The following ESPNL variants were observed in gnomAD, a reference collection of about 807,000 sequenced individuals.
ESPNL encodes espin like, also known as espin-like protein.
ESPNL carries 49 observed loss-of-function variants against 46.8 expected under a neutral mutation model. The ratio of observed to expected loss-of-function variants is 1.05; its 90% CI spans 0.83 to 1.33. The LOEUF (loss-of-function observed/expected upper bound fraction) is 1.33. ESPNL is among the 40% of genes most tolerant of loss of function. The probability of loss-of-function intolerance (pLI) is 0.00; values close to 1 mark genes in which losing one functional copy is unlikely to be tolerated. For synonymous variants in ESPNL, 664 were observed against 662.1 expected (o/e 1.00, Z -0.04); for missense variants, 1,540 against 1,436.6 (o/e 1.07, Z -1.16).
Position 238,114,525 on chromosome 2 carries a change from C to G in ESPNL, c.856-2378C>G, listed in dbSNP as rs368360374. Among the ~76,000 whole-genome samples, 59 of 152,280 alleles carry G rather than the reference C, an allele frequency of 3.9e-4. No individual in the cohort carries two copies. Among genetic ancestry groups the G allele is most frequent in the African/African-American group, 1.3e-3 (56 of 41,562 alleles). The stretch of plus-strand genomic sequence containing the variant: ...CAGCGACTGGCTTCAGCGACCTGCC[C>G]CAGCCTCCCCAGCCCCGGTGTCCTT... On this transcript the variant is annotated intron_variant, in intron 4 of 8. Coordinates refer to ENST00000343063, the MANE Select transcript of ESPNL (RefSeq NM_194312.4). This position sits in a 1 kb window ranked among gnomAD's most constrained non-coding sequence, Gnocchi z 5.0.
chr2:238,127,479 T>C, intron 6 of ESPNL, 143 bp from the exon 7 acceptor site: 1 of 839,506 alleles, frequency 1.2e-6, no homozygotes, highest in South Asian at 2.0e-5. Flanking sequence ...CGAGGTGTTC[T>C]GGGGCAGGGT....
In ESPNL at chr2:238,100,415, A is replaced by G; in HGVS notation, c.-5A>G. The G allele has an allele frequency of 6.3e-7, 1 of 1,594,822 alleles. No homozygotes were observed. The highest frequency in any genetic ancestry group is 1.1e-5 in the South Asian group (1 of 88,106). On this transcript the variant is annotated 5_prime_UTR_variant, in exon 1 of 9. Coordinates refer to ENST00000343063, the MANE Select transcript of ESPNL (RefSeq NM_194312.4). ...TGAGTCGCCACTGAGAGCCCGGGCC[A>G]GAGGATGGAGAAGCAGCGGGCACTC...
intron 4 of ESPNL, among the ~76,000 whole-genome samples, chr2:238,111,216 C>T (rs1291423198): frequency 6.6e-6 from 1 of 152,188 alleles, no homozygotes; most frequent in Non-Finnish European, 1.5e-5. Flanking sequence ...CATGAGCTAC[C>T]GTGCCCGGCC....
chr2:238,126,765 T>C (rs1351874834), intron 6 of ESPNL, among the ~76,000 whole-genome samples: 1 of 151,992 alleles, frequency 6.6e-6, no homozygotes, highest in Non-Finnish European at 1.5e-5. Context: ...TGTGTCTGTG[T>C]ATCTGTGTGT....
chr2:238,112,623 ATTTAT>A (rs928045196), intron 4 of ESPNL, among the ~76,000 whole-genome samples: 1 of 152,146 alleles, frequency 6.6e-6, no homozygotes, highest in African/African-American at 2.4e-5. Flanking sequence ...TTTCTAATAT[ATTTAT>A]TGAAGGCTAT....
rs777722038 is a variant in ESPNL, at chr2:238,131,508, C to T, written c.2794C>T (p.Arg932Cys). ...AGCCCGCTTCTTTGGCTCCAGCCAG[C>T]GTCCCGCCTGGGATACGGAGCCTGG... ...IKARFFGSSQ[R>C]PAWDTEPGRK... The change falls in exon 9 of 9, where the codon CGT (arginine) becomes TGT (cysteine). Residue 932 changes from arginine (R) to cysteine (C), a missense_variant. Transcript: ENST00000343063. 23 of 1,611,608 alleles carry T rather than the reference C, an allele frequency of 1.4e-5. No homozygotes were observed. Among genetic ancestry groups the T allele is most frequent in the Non-Finnish European group, 1.7e-5 (20 of 1,179,406 alleles).
rs749122984 is a variant in ESPNL, at chr2:238,128,815, C to T, written c.1324C>T (p.Arg442Cys). 12 of 1,552,260 alleles carry T rather than the reference C, an allele frequency of 7.7e-6. No homozygotes were observed. In the South Asian group the frequency reaches 8.3e-5, roughly 11 times the overall value. Reference sequence around the variant, plus strand: ...CGGGCTGGTGCCCACGCGGGATGAGCGCGGCCAGCCCATCCCAGAGTGGAA... The same window carrying T: ...CGGGCTGGTGCCCACGCGGGATGAGTGCGGCCAGCCCATCCCAGAGTGGAA... ...IDGLVPTRDE[R>C]GQPIPEWKRQ... Residue 442 changes from arginine to cysteine, a missense_variant, in exon 8 of 9, where the codon CGC becomes TGC. Physicochemically the swap from Arg to Cys is radical, Grantham distance 180. Transcript: ENST00000343063.
chr2:238,116,940 C>A lies in ESPNL; in HGVS notation c.893C>A (p.Ser298Tyr). The A allele has an allele frequency of 1.2e-6, 2 of 1,612,708 alleles. No homozygotes were observed. Among genetic ancestry groups the A allele is most frequent in the Non-Finnish European group, 1.7e-6 (2 of 1,179,878 alleles). Residue 298 changes from serine (S) to tyrosine (Y), a missense_variant, in exon 5 of 9, where the codon TCC (serine) becomes TAC (tyrosine). Ser to Tyr is a moderately radical substitution (Grantham distance 144). Coordinates refer to ENST00000343063, the MANE Select transcript of ESPNL (RefSeq NM_194312.4). ...QTLVSHHVDPSLRDEDGYTAA... is the reference protein window; with the variant it reads ...QTLVSHHVDPYLRDEDGYTAA... The stretch of plus-strand genomic sequence containing the variant: ...CTAGTCTCCCACCACGTGGACCCCT[C>A]CCTGCGGGATGAAGATGGTTACACG...
chr2:238,115,383 G>A (rs1247074492), intron 4 of ESPNL, among the ~76,000 whole-genome samples: 1 of 152,232 alleles, frequency 6.6e-6, no homozygotes, highest in Non-Finnish European at 1.5e-5. Flanking sequence ...GGAGGCTGGT[G>A]GTGCCGACCA....
intron 4 of ESPNL, among the ~76,000 whole-genome samples, chr2:238,113,120 A>T (rs1457432102): frequency 1.3e-5 from 2 of 152,144 alleles, no homozygotes; most frequent in Admixed American, 6.5e-5. Context: ...CGTTTGTTTT[A>T]TATATTTTGA....
At chr2:238,116,325 G>A (rs114252362) in intron 4 of ESPNL, among the ~76,000 whole-genome samples, 1,742 of 152,282 alleles carry the variant, frequency 0.011, 37 homozygotes, top group African/African-American at 0.04. Context: ...CAAGGAGACA[G>A]GAGGGTCCTG....
chr2:238,118,411 G>A (rs1257800789), intron 5 of ESPNL, among the ~76,000 whole-genome samples: 1 of 125,724 alleles, frequency 8.0e-6, no homozygotes, highest in East Asian at 3.0e-4. Flanking sequence ...AGGGTGGACG[G>A]AGGAGGGTGG....
intron 3 of ESPNL, among the ~76,000 whole-genome samples, chr2:238,105,991 C>T (rs1411847632): frequency 6.6e-6 from 1 of 152,160 alleles, no homozygotes; most frequent in Non-Finnish European, 1.5e-5. Context: ...CCCAGCTGCC[C>T]CTGGGGCCTT....
At chr2:238,122,806 G>C (rs1267880247) in intron 5 of ESPNL, among the ~76,000 whole-genome samples, 1 of 152,222 alleles carries the variant, frequency 6.6e-6, no homozygotes, top group Non-Finnish European at 1.5e-5. Context: ...GCATTGGGGT[G>C]GCCTTGCTGT....
At chr2:238,129,511 C>G (rs961835256) in intron 8 of ESPNL, among the ~76,000 whole-genome samples, 3 of 152,144 alleles carry the variant, frequency 2.0e-5, no homozygotes, top group Non-Finnish European at 4.4e-5. Context: ...AGGAACCTGG[C>G]TGGGATTATT....
intron 5 of ESPNL, among the ~76,000 whole-genome samples, chr2:238,122,087 C>T (rs1048341241): frequency 2.0e-5 from 3 of 152,246 alleles, no homozygotes; most frequent in South Asian, 2.1e-4. Context: ...ACAGCGACAG[C>T]GGTCGGGGCC....
intron 4 of ESPNL, among the ~76,000 whole-genome samples, chr2:238,110,525 GGTGCC>G (rs879439118): frequency 0.17 from 6,376 of 38,528 alleles, 2,532 homozygotes; most frequent in African/African-American, 0.19. Context: ...TCCCATTTAG[GGTGCC>G]ACACGTTACC....
At chr2:238,123,859 G>A (rs1692041032) in intron 5 of ESPNL, among the ~76,000 whole-genome samples, 1 of 151,836 alleles carries the variant, frequency 6.6e-6, no homozygotes, top group South Asian at 2.1e-4. Flanking sequence ...TTCAGACTGT[G>A]TTCCCTTCCC....
intron 6 of ESPNL, among the ~76,000 whole-genome samples, chr2:238,126,923 G>GTGTGTCTGTGATTGTC (rs1692142863): frequency 8.4e-6 from 1 of 118,664 alleles, no homozygotes; most frequent in Non-Finnish European, 1.7e-5. Context: ...GATCGTGTCT[G>GTGTGTCTGTGATTGTC]TGTGTCTGTG....
Sources: allele counts gnomAD v4.1 joint callset (sites outside exome capture counted in the v4.1 genomes callset), GRCh38; gene constraint gnomAD v4.1.1; non-coding constraint Gnocchi (gnomAD v3.1); transcripts MANE v1.5; gene names NCBI Gene and HGNC (gene_info 2026-07-23, HGNC 2026-07-21).